CYP2C18: variants seen among roughly 807,000 people sequenced by gnomAD.
The protein encoded by CYP2C18 is cytochrome P450 family 2 subfamily C member 18, also known as cytochrome P450 2C18.
Under a neutral mutation model 41.3 loss-of-function variants are expected in CYP2C18, and 38 were observed. That is an observed-to-expected ratio of 0.92 (90% CI 0.71 to 1.21). The LOEUF (loss-of-function observed/expected upper bound fraction) is 1.21, where lower values mean the gene tolerates loss of function less well. Ranked by LOEUF, CYP2C18 falls within the 50% of genes most tolerant of loss-of-function variation. CYP2C18 has a pLI of 0.00. For missense variants in CYP2C18, 635 were observed against 591.4 expected (o/e 1.07, Z -0.77); for synonymous variants, 236 against 210.0 (o/e 1.12, Z -1.07).
At position 94,688,284 on chromosome 10, in the gene CYP2C18, T is replaced by G. The variant is rs781225378; in HGVS notation, c.481+10T>G. The G allele has an allele frequency of 1.4e-6, 2 of 1,465,584 alleles. No individual in the cohort carries two copies. The highest frequency in any genetic ancestry group is 9.2e-7 in the Non-Finnish European group (1 of 1,089,294). 90.8% of individuals were successfully genotyped at this position (1,465,584 alleles called of 1,614,324 possible). A position where few individuals can be genotyped will look rare whatever the true frequency, so the allele number is the denominator to read the frequency against. On this transcript the variant is annotated intron_variant, in intron 3 of 8. Coordinates refer to ENST00000285979, the MANE Select transcript of CYP2C18 (RefSeq NM_000772.3). ...TTGAGAAAAACCAATGGTGGGTGACTTTTTTTTTTCCTGAAAAATGTTTTC... is the reference window on the plus strand; with the variant it reads ...TTGAGAAAAACCAATGGTGGGTGACGTTTTTTTTTCCTGAAAAATGTTTTC...
intron 4 of CYP2C18, among the ~76,000 whole-genome samples, chr10:94,697,127 G>T (rs1160366571): frequency 6.6e-6 from 1 of 152,092 alleles, no homozygotes; most frequent in Non-Finnish European, 1.5e-5. Flanking sequence ...GAAATACAGA[G>T]AATGCCACAA....
chr10:94,696,484 C>G (rs967427462), intron 4 of CYP2C18, among the ~76,000 whole-genome samples: 8 of 152,134 alleles, frequency 5.3e-5, no homozygotes, highest in African/African-American at 1.9e-4. Flanking sequence ...ATCTGTACGT[C>G]ACCATCATCA....
intron 4 of CYP2C18, among the ~76,000 whole-genome samples, chr10:94,704,460 G>A (rs2134189070): frequency 6.6e-6 from 1 of 151,430 alleles, no homozygotes; most frequent in South Asian, 2.1e-4. Context: ...TTTCTTGAAT[G>A]TGGAGAGGCA....
At chr10:94,721,917 CTT>C (rs1017596961) in intron 6 of CYP2C18, among the ~76,000 whole-genome samples, 1 of 151,784 alleles carries the variant, frequency 6.6e-6, no homozygotes, top group African/African-American at 2.4e-5. Flanking sequence ...TTGATGGATG[CTT>C]GGGTTGATTT....
At chr10:94,694,874 AT>A (rs761967128) in intron 3 of CYP2C18, 42 bp from the exon 4 acceptor site, 4 of 1,578,994 alleles carry the variant, frequency 2.5e-6, no homozygotes, top group Non-Finnish European at 3.5e-6. Flanking sequence ...AGTATTTTAT[AT>A]GTATATTTTA....
intron 5 of CYP2C18, among the ~76,000 whole-genome samples, chr10:94,709,182 A>T (rs1310343726): frequency 6.6e-6 from 1 of 152,200 alleles, no homozygotes; most frequent in Non-Finnish European, 1.5e-5. Flanking sequence ...CTAAAAATAT[A>T]AAACTCTCAG....
chr10:94,703,669 G>A (rs2134188457), intron 4 of CYP2C18, among the ~76,000 whole-genome samples: 1 of 152,294 alleles, frequency 6.6e-6, no homozygotes, highest in Admixed American at 6.5e-5. Context: ...AGCTTGCTGG[G>A]CCCCATGAGG....
At chr10:94,688,480 T>G (rs1846937307) in intron 3 of CYP2C18, among the ~76,000 whole-genome samples, 1 of 152,172 alleles carries the variant, frequency 6.6e-6, no homozygotes, top group South Asian at 2.1e-4. Flanking sequence ...CAGACCTGTG[T>G]TCTAGCTATC....
chr10:94,693,507 C>T (rs1427916437), intron 3 of CYP2C18, among the ~76,000 whole-genome samples: 2 of 152,102 alleles, frequency 1.3e-5, no homozygotes, highest in Admixed American at 1.3e-4. Context: ...ATATACTTCC[C>T]CACATGAAGT....
intron 5 of CYP2C18, among the ~76,000 whole-genome samples, chr10:94,718,365 G>T (rs78036013): frequency 1.3e-5 from 2 of 152,022 alleles, no homozygotes; most frequent in African/African-American, 4.8e-5. Context: ...AAGGTTTTCT[G>T]TATGTAAGAT....
intron 5 of CYP2C18, among the ~76,000 whole-genome samples, chr10:94,717,617 C>A (rs1405006835): frequency 1.3e-5 from 2 of 151,950 alleles, no homozygotes; most frequent in Non-Finnish European, 2.9e-5. Context: ...GTCTTTAATC[C>A]ATGTTGAGTT....
At chr10:94,698,995 C>T (rs541990886) in intron 4 of CYP2C18, among the ~76,000 whole-genome samples, 1 of 152,068 alleles carries the variant, frequency 6.6e-6, no homozygotes, top group Non-Finnish European at 1.5e-5. Flanking sequence ...TAATAACTTA[C>T]CAACCAAAAA....
At chr10:94,688,065 G>A (rs1400775909) in intron 2 of CYP2C18, 60 bp from the exon 3 acceptor site, 12 of 1,610,238 alleles carry the variant, frequency 7.5e-6, no homozygotes, top group East Asian at 2.2e-5. Context: ...GCTGCCGAGT[G>A]TCAGCTCTCT....
At chr10:94,708,529 C>T (rs775911873) in intron 5 of CYP2C18, among the ~76,000 whole-genome samples, 3 of 152,088 alleles carry the variant, frequency 2.0e-5, no homozygotes, top group Non-Finnish European at 4.4e-5. Flanking sequence ...GTGCATTGTT[C>T]CTTTGACCTC....
At chr10:94,696,756 TA>T (rs1847125144) in intron 4 of CYP2C18, among the ~76,000 whole-genome samples, 1 of 151,942 alleles carries the variant, frequency 6.6e-6, no homozygotes, top group South Asian at 2.1e-4. Flanking sequence ...AATGGCTAAC[TA>T]GAATAACCAA....
intron 5 of CYP2C18, among the ~76,000 whole-genome samples, chr10:94,717,759 T>C (rs545712473): frequency 8.6e-4 from 131 of 152,258 alleles, no homozygotes; most frequent in Non-Finnish European, 1.6e-3. Context: ...CTAAAATCAA[T>C]TGTAGTTGCA....
intron 5 of CYP2C18, among the ~76,000 whole-genome samples, chr10:94,715,975 G>T (rs1235643243): frequency 6.6e-6 from 1 of 152,178 alleles, no homozygotes; most frequent in African/African-American, 2.4e-5. Context: ...TTGCGTAGAG[G>T]TGTTTATAGT....
chr10:94,699,328 C>T (rs192737329), intron 4 of CYP2C18, among the ~76,000 whole-genome samples: 103 of 152,266 alleles, frequency 6.8e-4, no homozygotes, highest in Admixed American at 1.7e-3. Context: ...GTTCAACATA[C>T]ACAAATCAAT....
At chr10:94,732,087 G>A (rs1164524417) in intron 7 of CYP2C18, among the ~76,000 whole-genome samples, 1 of 152,080 alleles carries the variant, frequency 6.6e-6, no homozygotes, top group Admixed American at 6.6e-5. Flanking sequence ...CTATGCATCT[G>A]ACAAAGGTCT....
Sources: allele counts gnomAD v4.1 joint callset (sites outside exome capture counted in the v4.1 genomes callset), GRCh38; gene constraint gnomAD v4.1.1; transcripts MANE v1.5; gene names NCBI Gene and HGNC (gene_info 2026-07-23, HGNC 2026-07-21).